Variants in COL11A1 observed in about 807,000 individuals in gnomAD.
The protein encoded by COL11A1 is collagen type XI alpha 1 chain.
Under a neutral mutation model 265.2 loss-of-function variants are expected in COL11A1, and 74 were observed. The ratio of observed to expected loss-of-function variants is 0.28; its 90% CI spans 0.23 to 0.34. The LOEUF (loss-of-function observed/expected upper bound fraction) is 0.34, where lower values mean the gene tolerates loss of function less well. COL11A1 is among the 10% of genes least tolerant of loss of function. The pLI, the probability that COL11A1 is intolerant of heterozygous loss-of-function variation, is 1.00. For missense variants in COL11A1, 2,165 were observed against 2,263.6 expected (o/e 0.96, Z 0.88); for synonymous variants, 816 against 727.6 (o/e 1.12, Z -1.96).
intron 46 of COL11A1, among the ~76,000 whole-genome samples, chr1:102,933,691 C>T (rs181021017): frequency 0.02 from 3,024 of 152,198 alleles, 65 homozygotes; most frequent in Middle Eastern, 0.051. Context: ...CCCCCAGCCT[C>T]GCTGCCACCT....
intron 11 of COL11A1, among the ~76,000 whole-genome samples, chr1:103,016,024 A>G (rs916400670): frequency 6.6e-6 from 1 of 152,110 alleles, no homozygotes; most frequent in Admixed American, 6.6e-5. Flanking sequence ...AAGAGTTCAC[A>G]TATATTTTAA....
chr1:102,886,276 C>T (rs1466681653), intron 63 of COL11A1, among the ~76,000 whole-genome samples: 1 of 152,102 alleles, frequency 6.6e-6, no homozygotes, highest in Non-Finnish European at 1.5e-5. Context: ...AAGCTATTCA[C>T]AGCTGTTTGG....
intron 44 of COL11A1, among the ~76,000 whole-genome samples, chr1:102,938,007 C>T (rs1841840): frequency 0.77 from 117,153 of 152,168 alleles, 48,246 homozygotes; most frequent in East Asian, 1. Context: ...TGTTTTGTTT[C>T]ACTGCATATA....
intron 26 of COL11A1, among the ~76,000 whole-genome samples, chr1:102,996,315 T>C (rs544613634): frequency 7.4e-4 from 112 of 152,198 alleles, no homozygotes; most frequent in Non-Finnish European, 1.3e-3. Context: ...CTTACAAGCA[T>C]GTAAAATAAT....
At chr1:103,020,033 A>G (rs1248206546) in intron 9 of COL11A1, among the ~76,000 whole-genome samples, 1 of 147,984 alleles carries the variant, frequency 6.8e-6, no homozygotes, top group Non-Finnish European at 1.5e-5. Context: ...ATTGTGAATA[A>G]TGCCGCAATA....
At chr1:103,076,117 G>A (rs868817340) in intron 3 of COL11A1, among the ~76,000 whole-genome samples, 3 of 152,010 alleles carry the variant, frequency 2.0e-5, no homozygotes, top group Admixed American at 6.6e-5. Flanking sequence ...ATAATGATAT[G>A]TCATAATCAT....
chr1:102,923,767 GT>G (rs1315438970), intron 46 of COL11A1, among the ~76,000 whole-genome samples: 1 of 151,908 alleles, frequency 6.6e-6, no homozygotes, highest in African/African-American at 2.4e-5. Context: ...AGTATATGAG[GT>G]TTTTATAGTT....
chr1:102,958,142 A>G (rs1252106726), intron 41 of COL11A1, among the ~76,000 whole-genome samples: 1 of 152,130 alleles, frequency 6.6e-6, no homozygotes, highest in East Asian at 1.9e-4. Flanking sequence ...TCAGACATAT[A>G]CATTATAAAA....
chr1:102,894,535 A>ATAAG (rs1570651776), intron 57 of COL11A1, among the ~76,000 whole-genome samples: 1 of 151,724 alleles, frequency 6.6e-6, no homozygotes, highest in East Asian at 1.9e-4. Context: ...CTCTGTCTCA[A>ATAAG]TAAATAAATA....
At chr1:102,913,416 C>T (rs574046180) in intron 53 of COL11A1, among the ~76,000 whole-genome samples, 1 of 152,178 alleles carries the variant, frequency 6.6e-6, no homozygotes, top group South Asian at 2.1e-4. Context: ...AATATGATTA[C>T]ACTTTTCATT....
intron 37 of COL11A1, among the ~76,000 whole-genome samples, chr1:102,966,906 T>G (rs1661450414): frequency 6.6e-6 from 1 of 152,160 alleles, no homozygotes; most frequent in African/African-American, 2.4e-5. Flanking sequence ...TATATCATGC[T>G]CTCTCTTCAA....
intron 4 of COL11A1, among the ~76,000 whole-genome samples, chr1:103,037,449 A>C (rs1428837751): frequency 6.6e-6 from 1 of 152,174 alleles, no homozygotes; most frequent in Non-Finnish European, 1.5e-5. Flanking sequence ...CAGCCTGAGC[A>C]TCCACTGAAT....
intron 4 of COL11A1, among the ~76,000 whole-genome samples, chr1:103,050,104 C>G (rs1669675205): frequency 6.6e-6 from 1 of 152,134 alleles, no homozygotes; most frequent in South Asian, 2.1e-4. Context: ...CAAGGACTAT[C>G]TTTGTGAGGT....
At chr1:103,107,788 A>C (rs942582203) in intron 1 of COL11A1, among the ~76,000 whole-genome samples, 1 of 151,922 alleles carries the variant, frequency 6.6e-6, no homozygotes, top group Non-Finnish European at 1.5e-5. Flanking sequence ...CCTCTTTTCA[A>C]AGAGGCTGGA....
chr1:102,961,112 G>A (rs1660863621), intron 41 of COL11A1, among the ~76,000 whole-genome samples: 1 of 152,016 alleles, frequency 6.6e-6, no homozygotes, highest in African/African-American at 2.4e-5. Context: ...TTTTTAGATT[G>A]GTGAAATAAG....
chr1:102,908,673 T>C (rs1409029007), intron 54 of COL11A1, among the ~76,000 whole-genome samples: 1 of 151,748 alleles, frequency 6.6e-6, no homozygotes, highest in Non-Finnish European at 1.5e-5. Flanking sequence ...ACAAATAAGG[T>C]TTACATATAC....
At chr1:102,954,254 C>A (rs1342885679) in intron 41 of COL11A1, among the ~76,000 whole-genome samples, 1 of 152,114 alleles carries the variant, frequency 6.6e-6, no homozygotes, top group Non-Finnish European at 1.5e-5. Flanking sequence ...GATAATGAAA[C>A]AAGAAGCAAT....
chr1:102,926,852 C>T lies in COL11A1; in HGVS notation c.3601-3463G>A, dbSNP rs143236063. ...AATGCCTTGTTTTCAAATATGTATG[C>T]TTCACACACATATTGATATGTGGTA... On this transcript the variant is annotated intron_variant, in intron 46 of 66. Coordinates refer to ENST00000370096, the MANE Select transcript of COL11A1 (RefSeq NM_001854.4). 1.9e-3 allele frequency among the ~76,000 whole-genome samples: 285 copies of T among 152,190 alleles called. 1 individual carries two copies. Among genetic ancestry groups the T allele is most frequent in the Non-Finnish European group, 3.1e-3 (212 of 67,978 alleles).
intron 41 of COL11A1, among the ~76,000 whole-genome samples, chr1:102,959,823 A>G (rs1474987323): frequency 6.6e-6 from 1 of 152,104 alleles, no homozygotes; most frequent in East Asian, 1.9e-4. Context: ...ACTGTTCCCA[A>G]CCCTTGAGAG....
Sources: gnomAD v4.1 joint callset for allele counts (sites outside exome capture counted in the v4.1 genomes callset) on GRCh38, gnomAD v4.1.1 for gene constraint, MANE v1.5 for transcripts, NCBI Gene and HGNC (gene_info 2026-07-23, HGNC 2026-07-21) for gene names.